The following MACROD2 variants were observed in gnomAD, a reference collection of about 807,000 sequenced individuals.
MACROD2 encodes mono-ADP ribosylhydrolase 2, also known as ADP-ribose glycohydrolase MACROD2.
A neutral mutation model predicts 70.4 loss-of-function variants in MACROD2; 36 were observed. That is an observed-to-expected ratio of 0.51 (90% CI 0.39 to 0.68). MACROD2 has a LOEUF of 0.68. Ranked by LOEUF, MACROD2 falls within the 30% of genes least tolerant of loss-of-function variation. The probability of loss-of-function intolerance (pLI) is 0.00; values close to 1 mark genes in which losing one functional copy is unlikely to be tolerated. For synonymous variants in MACROD2, 172 were observed against 178.8 expected, an observed-to-expected ratio of 0.96 and a Z score of 0.30; for missense variants, 496 against 538.4, an observed-to-expected ratio of 0.92 and a Z score of 0.78.
At chr20:15,382,290 T>C (rs1262739914) in intron 6 of MACROD2, among the ~76,000 whole-genome samples, 2 of 152,112 alleles carry the variant, frequency 1.3e-5, no homozygotes, top group African/African-American at 4.8e-5. Context: ...AACGTTCACT[T>C]TTTGACCATT....
intron 15 of MACROD2, among the ~76,000 whole-genome samples, chr20:16,004,733 A>G (rs1377518132): frequency 6.6e-6 from 1 of 152,182 alleles, no homozygotes; most frequent in African/African-American, 2.4e-5. Context: ...CAGTGTTAGC[A>G]GCTTAACTCT....
chr20:14,074,850 A>T (rs1173320162), intron 2 of MACROD2, among the ~76,000 whole-genome samples: 2 of 152,180 alleles, frequency 1.3e-5, no homozygotes, highest in African/African-American at 4.8e-5. Flanking sequence ...AGAAATAAAT[A>T]ATTTGTAAGC....
intron 12 of MACROD2, among the ~76,000 whole-genome samples, chr20:15,943,279 C>G (rs2065775737): frequency 1.3e-5 from 2 of 152,208 alleles, no homozygotes; most frequent in Admixed American, 1.3e-4. Context: ...GGCATTGTTT[C>G]TGTTCTTTGC....
At chr20:15,428,840 G>A (rs1271390666) in intron 6 of MACROD2, among the ~76,000 whole-genome samples, 2 of 151,866 alleles carry the variant, frequency 1.3e-5, no homozygotes, top group Non-Finnish European at 2.9e-5. Flanking sequence ...ACTCTAGGAA[G>A]GTAGAGGTAA....
chr20:15,088,395 TTTTATA>T (rs1259845513), intron 5 of MACROD2, among the ~76,000 whole-genome samples: 7 of 103,272 alleles, frequency 6.8e-5, no homozygotes, highest in East Asian at 4.4e-4. Flanking sequence ...ATATACTATA[TTTTATA>T]TATATATATA....
intron 4 of MACROD2, among the ~76,000 whole-genome samples, chr20:14,538,226 G>C (rs2085390224): frequency 6.6e-6 from 1 of 152,174 alleles, no homozygotes; most frequent in South Asian, 2.1e-4. Flanking sequence ...AAGCTGTCTA[G>C]AGTCTCTCGT....
At chr20:14,085,317 T>TA (rs2054063843) in intron 2 of MACROD2, among the ~76,000 whole-genome samples, 1 of 152,182 alleles carries the variant, frequency 6.6e-6, no homozygotes. Context: ...AATGTAATGG[T>TA]ACATAATTTT....
intron 8 of MACROD2, among the ~76,000 whole-genome samples, chr20:15,726,717 G>A (rs1413068629): frequency 6.6e-6 from 1 of 151,978 alleles, no homozygotes; most frequent in South Asian, 2.1e-4. Context: ...TTGTTGGCCA[G>A]TGGGTGTCTT....
At chr20:15,054,573 C>T (rs11087119) in intron 5 of MACROD2, among the ~76,000 whole-genome samples, 53,736 of 151,938 alleles carry the variant, frequency 0.35, 9,849 homozygotes, top group Admixed American at 0.45. Flanking sequence ...CAGTATACTA[C>T]ACACACAACT....
intron 3 of MACROD2, among the ~76,000 whole-genome samples, chr20:14,215,089 TA>T (rs1455572664): frequency 1.4e-5 from 2 of 146,662 alleles, no homozygotes; most frequent in East Asian, 3.9e-4. Context: ...CATATATATC[TA>T]TTCCATCATA....
chr20:14,485,033 T>C (rs960303657), intron 3 of MACROD2, among the ~76,000 whole-genome samples: 1 of 152,172 alleles, frequency 6.6e-6, no homozygotes, highest in Admixed American at 6.5e-5. Context: ...TTTTGTTTTT[T>C]TTTGTGAAAT....
In MACROD2 at chr20:15,770,084, A is replaced by ATTTTTTTTTTTTTTTTTTTTT. The variant is rs1234797549; in HGVS notation, c.646-92657_646-92656insTTTTTTTTTTTTTTTTTTTTT. Among the ~76,000 whole-genome samples the ATTTTTTTTTTTTTTTTTTTTT allele has an allele frequency of 2.4e-5, 3 of 125,736 alleles. 1 individual carries two copies. The highest frequency in any genetic ancestry group is 3.3e-5 in the African/African-American group (1 of 30,718). The allele number at this position is 125,736 out of a possible 152,430, so 82.5% of individuals were successfully genotyped here. A position where few individuals can be genotyped will look rare whatever the true frequency, so the allele number is the denominator to read the frequency against. On this transcript the variant is annotated intron_variant, in intron 8 of 17. Transcript: ENST00000684519. ...AAATTTATTTTTTTAATTTATTTTA[A>ATTTTTTTTTTTTTTTTTTTTT]TTTTCTTTTTTTTTTTTTTTTTTTT...
intron 5 of MACROD2, among the ~76,000 whole-genome samples, chr20:14,739,877 A>G (rs1359838407): frequency 1.3e-5 from 2 of 152,088 alleles, no homozygotes; most frequent in African/African-American, 4.8e-5. Flanking sequence ...ATATATGGAA[A>G]TGCATTCATG....
chr20:14,127,626 CAG>C (rs1476709387), intron 3 of MACROD2: 6 of 433,568 alleles, frequency 1.4e-5, no homozygotes, highest in Middle Eastern at 4.4e-4. Context: ...CTAATTCAGA[CAG>C]AAATTCAAAA....
intron 5 of MACROD2, among the ~76,000 whole-genome samples, chr20:15,089,999 T>A (rs2075781062): frequency 6.6e-6 from 1 of 152,096 alleles, no homozygotes. Flanking sequence ...TAGGGCTACG[T>A]AGGATCAGCT....
chr20:14,726,644 A>G (rs2071533492), intron 5 of MACROD2, among the ~76,000 whole-genome samples: 1 of 152,182 alleles, frequency 6.6e-6, no homozygotes. Flanking sequence ...CGTCAAAACA[A>G]CACTATGGCT....
chr20:14,691,326 A>G (rs1263734423), intron 5 of MACROD2, among the ~76,000 whole-genome samples: 1 of 152,226 alleles, frequency 6.6e-6, no homozygotes, highest in Non-Finnish European at 1.5e-5. Context: ...AGTTGAGACT[A>G]AAATACCTAC....
At chr20:15,440,732 T>A (rs1485034001) in intron 7 of MACROD2, among the ~76,000 whole-genome samples, 1 of 152,174 alleles carries the variant, frequency 6.6e-6, no homozygotes. Context: ...TGTAATGCAT[T>A]GGGAACCAGA....
intron 4 of MACROD2, among the ~76,000 whole-genome samples, chr20:14,664,104 T>C (rs1187786834): frequency 6.6e-6 from 1 of 152,132 alleles, no homozygotes; most frequent in Non-Finnish European, 1.5e-5. Context: ...ATTCTTCTTT[T>C]CCATTACTAA....
Sources: allele counts gnomAD v4.1 joint callset (sites outside exome capture counted in the v4.1 genomes callset), GRCh38; gene constraint gnomAD v4.1.1; transcripts MANE v1.5; gene names NCBI Gene and HGNC (gene_info 2026-07-23, HGNC 2026-07-21).